Variants in CNTNAP2 observed in about 807,000 individuals in gnomAD.
The protein encoded by CNTNAP2 is contactin associated protein 2.
CNTNAP2 carries 98 observed loss-of-function variants against 155.2 expected under a neutral mutation model. The observed-to-expected ratio is 0.63, with a 90% CI of 0.54 to 0.75. The LOEUF (loss-of-function observed/expected upper bound fraction) is 0.75. CNTNAP2 is among the 30% of genes least tolerant of loss of function. The pLI, the probability that CNTNAP2 is intolerant of heterozygous loss-of-function variation, is 0.00. For missense variants in CNTNAP2, 1,727 were observed against 1,688.1 expected, an observed-to-expected ratio of 1.02 and a Z score of -0.40; for synonymous variants, 651 against 631.2, an observed-to-expected ratio of 1.03 and a Z score of -0.47.
chr7:147,495,116 T>C (rs751754847), intron 11 of CNTNAP2, among the ~76,000 whole-genome samples: 4 of 152,278 alleles, frequency 2.6e-5, no homozygotes, highest in Non-Finnish European at 4.4e-5. Flanking sequence ...TAATACATTA[T>C]AAGAAGGTAA....
chr7:147,983,432 A>G lies in CNTNAP2; in HGVS notation c.2383+5443A>G, dbSNP rs555221224. 9.8e-4 allele frequency among the ~76,000 whole-genome samples: 147 copies of G among 149,292 alleles called. 1 individual carries two copies. Among genetic ancestry groups the G allele is most frequent in the Admixed American group, 3.3e-3 (49 of 14,718 alleles). On this transcript the variant is annotated intron_variant, in intron 15 of 23. Coordinates refer to ENST00000361727, the MANE Select transcript of CNTNAP2 (RefSeq NM_014141.6). ...CATCCCTTAATAGGTGATACTGTTG[A>G]CAAAAAAAAAATAAAAATAAAAATA... is the stretch of plus-strand genomic sequence containing the variant.
intron 3 of CNTNAP2, among the ~76,000 whole-genome samples, chr7:147,000,778 G>A (rs954634276): frequency 3.9e-5 from 6 of 152,140 alleles, no homozygotes; most frequent in Non-Finnish European, 8.8e-5. Context: ...GGCTAGTGCA[G>A]CAGTGGGTCA....
intron 13 of CNTNAP2, among the ~76,000 whole-genome samples, chr7:147,772,322 C>A (rs1030080954): frequency 6.7e-6 from 1 of 149,944 alleles, no homozygotes; most frequent in Non-Finnish European, 1.5e-5. Context: ...GAGGCTGAGG[C>A]AGGAGAATCA....
intron 1 of CNTNAP2, among the ~76,000 whole-genome samples, chr7:146,412,230 G>A (rs889481930): frequency 3.3e-5 from 5 of 152,164 alleles, no homozygotes; most frequent in Non-Finnish European, 5.9e-5. Context: ...AGGAGCCAGG[G>A]ACGTGGCCAA....
chr7:147,589,324 T>C (rs1261959292), intron 12 of CNTNAP2, among the ~76,000 whole-genome samples: 1 of 152,188 alleles, frequency 6.6e-6, no homozygotes, highest in Non-Finnish European at 1.5e-5. Flanking sequence ...TTATAATCCT[T>C]GGCTTGGGAC....
chr7:147,903,414 T>G (rs1799907526), intron 13 of CNTNAP2, 151 bp from the exon 14 acceptor site: 5 of 816,388 alleles, frequency 6.1e-6, no homozygotes, highest in Non-Finnish European at 1.0e-5. Context: ...TCTCCCACTC[T>G]GTGGGTTGTC....
intron 1 of CNTNAP2, among the ~76,000 whole-genome samples, chr7:146,441,073 A>G (rs75508823): frequency 6.6e-6 from 1 of 151,542 alleles, no homozygotes; most frequent in Admixed American, 6.6e-5. Context: ...TCACTTACTC[A>G]TAAGTTGAAG....
At chr7:147,170,835 C>A (rs1252203645) in intron 8 of CNTNAP2, among the ~76,000 whole-genome samples, 1 of 152,272 alleles carries the variant, frequency 6.6e-6, no homozygotes, top group Non-Finnish European at 1.5e-5. Flanking sequence ...AGGCAGGAGC[C>A]CTGGGAGGGG....
rs552376614 is a variant in CNTNAP2, at chr7:147,001,662, T to A, written c.403-42245T>A. Among the ~76,000 whole-genome samples the A allele has an allele frequency of 6.6e-5, 10 of 152,060 alleles. 1 individual carries two copies. In the South Asian group the frequency reaches 2.1e-3, roughly 31 times the overall value. ...ATTCTTCATAAAATCTGAGACTTAT[T>A]TCCAAATTCCTCTAGTTAGAGGACT... On this transcript the variant is annotated intron_variant, in intron 3 of 23. Coordinates refer to ENST00000361727, the MANE Select transcript of CNTNAP2 (RefSeq NM_014141.6).
At chr7:146,580,770 A>C in intron 1 of CNTNAP2, among the ~76,000 whole-genome samples, 1 of 152,106 alleles carries the variant, frequency 6.6e-6, no homozygotes, top group East Asian at 1.9e-4. Flanking sequence ...TGTAAGCTCA[A>C]GGTAAGCTGG....
intron 14 of CNTNAP2, among the ~76,000 whole-genome samples, chr7:147,910,159 G>A (rs544946684): frequency 2.1e-4 from 32 of 152,142 alleles, no homozygotes; most frequent in African/African-American, 6.7e-4. Context: ...AAAAATAATC[G>A]TTATAATTTT....
chr7:148,266,940 G>T (rs1463027824), intron 20 of CNTNAP2, 93 bp from the exon 21 acceptor site: 4 of 1,164,796 alleles, frequency 3.4e-6, no homozygotes, highest in African/African-American at 1.5e-5. Flanking sequence ...GAAAACCAGG[G>T]TTCAAAGAGT....
chr7:146,892,424 G>A (rs2129211737), intron 3 of CNTNAP2, among the ~76,000 whole-genome samples: 1 of 152,278 alleles, frequency 6.6e-6, no homozygotes, highest in Admixed American at 6.5e-5. Context: ...TTAAGAGGCA[G>A]AGACAGACTT....
chr7:148,035,186 A>T (rs1802549580), intron 15 of CNTNAP2, among the ~76,000 whole-genome samples: 1 of 152,238 alleles, frequency 6.6e-6, no homozygotes, highest in Admixed American at 6.5e-5. Flanking sequence ...TGGCCTGGCC[A>T]TGTAATGAAC....
At chr7:146,443,230 T>TAATAAATAAATAAATA (rs540097334) in intron 1 of CNTNAP2, among the ~76,000 whole-genome samples, 305 of 147,798 alleles carry the variant, frequency 2.1e-3, no homozygotes, top group South Asian at 5.7e-3. Flanking sequence ...AATAAATAAA[T>TAATAAATAAATAAATA]AATAAATAAA....
chr7:147,168,375 A>C (rs936758613), intron 8 of CNTNAP2, among the ~76,000 whole-genome samples: 1 of 152,096 alleles, frequency 6.6e-6, no homozygotes, highest in East Asian at 1.9e-4. Context: ...GAGATTTTCA[A>C]ATGGAAGCAG....
chr7:146,140,918 A>G (rs1375863506), intron 1 of CNTNAP2, among the ~76,000 whole-genome samples: 4 of 152,144 alleles, frequency 2.6e-5, no homozygotes, highest in Admixed American at 6.6e-5. Flanking sequence ...ACATCTTGCA[A>G]TCTGCACGTC....
intron 15 of CNTNAP2, among the ~76,000 whole-genome samples, chr7:148,105,034 A>T (rs1804178301): frequency 6.6e-6 from 1 of 152,224 alleles, no homozygotes; most frequent in Admixed American, 6.5e-5. Flanking sequence ...GTCAAGCTAG[A>T]TATTACAGTT....
intron 1 of CNTNAP2, among the ~76,000 whole-genome samples, chr7:146,595,842 A>G (rs931153512): frequency 5.3e-5 from 8 of 152,108 alleles, no homozygotes; most frequent in African/African-American, 1.9e-4. Context: ...TTCAACAGCT[A>G]TTCCTGAGGT....
Sources: allele counts gnomAD v4.1 joint callset (sites outside exome capture counted in the v4.1 genomes callset), GRCh38; gene constraint gnomAD v4.1.1; transcripts MANE v1.5; gene names NCBI Gene and HGNC (gene_info 2026-07-23, HGNC 2026-07-21).